Variants in SNTG2 observed in about 807,000 individuals in gnomAD.
SNTG2 encodes gamma-2-syntrophin.
SNTG2 carries 74 observed loss-of-function variants against 70.9 expected under a neutral mutation model. The ratio of observed to expected loss-of-function variants is 1.04; its 90% CI spans 0.86 to 1.27. SNTG2 has a LOEUF of 1.27. Ranked by LOEUF, SNTG2 falls within the 50% of genes most tolerant of loss-of-function variation. SNTG2 has a pLI of 0.00. For missense variants in SNTG2, 717 were observed against 690.7 expected, an observed-to-expected ratio of 1.04 and a Z score of -0.43; for synonymous variants, 278 against 273.8, an observed-to-expected ratio of 1.02 and a Z score of -0.15.
intron 6 of SNTG2, among the ~76,000 whole-genome samples, chr2:1,157,342 G>A (rs1037786337): frequency 6.6e-6 from 1 of 152,080 alleles, no homozygotes; most frequent in Non-Finnish European, 1.5e-5. Context: ...ACTGCGGCTT[G>A]TGCGCTGAAT....
At chr2:1,052,271 A>G (rs1286972792) in intron 1 of SNTG2, among the ~76,000 whole-genome samples, 1 of 152,190 alleles carries the variant, frequency 6.6e-6, no homozygotes, top group Admixed American at 6.5e-5. Context: ...AATAATTTTA[A>G]TACTAAGTTC....
At chr2:1,002,869 T>C (rs1379793615) in intron 1 of SNTG2, among the ~76,000 whole-genome samples, 2 of 151,360 alleles carry the variant, frequency 1.3e-5, no homozygotes, top group African/African-American at 4.8e-5. Context: ...AATGAATGAC[T>C]AGGTAAAGAA....
Position 1,247,387 on chromosome 2 carries a change from A to G in SNTG2, c.949A>G (p.Arg317Gly). Residue 317 changes from arginine to glycine, a missense_variant, in exon 12 of 17, where the codon AGA (arginine) becomes GGA (glycine). By Grantham distance (125) the Arg-to-Gly change is moderately radical. Coordinates refer to ENST00000308624, the MANE Select transcript of SNTG2 (RefSeq NM_018968.4). ...LQGADSSQTF[R>G]PKFLALKGPS... ...AGGAGCTGACTCCTCTCAAACCTTC[A>G]GACCCAAGTTCCTAGCACTGAAGGG... 6.2e-7 allele frequency: 1 copy of G among 1,614,008 alleles called. No individual in the cohort carries two copies.
intron 4 of SNTG2, among the ~76,000 whole-genome samples, chr2:1,101,241 G>C (rs1337586791): frequency 6.6e-6 from 1 of 152,028 alleles, no homozygotes; most frequent in African/African-American, 2.4e-5. Flanking sequence ...CAGCCAGCTT[G>C]CCTGTCTCCA....
chr2:1,098,830 C>T (rs574254882), intron 4 of SNTG2, among the ~76,000 whole-genome samples: 10 of 152,306 alleles, frequency 6.6e-5, no homozygotes, highest in South Asian at 6.2e-4. Context: ...ACTAGCTGAC[C>T]GCGCTCAGGT....
Position 1,367,474 on chromosome 2 carries a change from A to C in SNTG2, c.1620A>C (p.Ter540TyrextTer17), listed in dbSNP as rs1285128004. ...CCAGAAAATACATGTACAGCAGCTA[A>C]AGGTTGTTTCTGTTGAGTGCTGAAA... ...SLARKYMYSS[*>Y] Residue 540 changes from the stop codon to tyrosine, a stop_lost, in exon 17 of 17, where the codon TAA (stop) becomes TAC (tyrosine). Transcript: ENST00000308624. The C allele has an allele frequency of 2.6e-6, 4 of 1,548,930 alleles. No individual in the cohort carries two copies. Among genetic ancestry groups the C allele is most frequent in the East Asian group, 2.4e-5 (1 of 40,904 alleles).
intron 15 of SNTG2, 149 bp from the exon 16 acceptor site, chr2:1,316,116 A>T: frequency 1.7e-6 from 1 of 575,618 alleles, no homozygotes; most frequent in Non-Finnish European, 3.1e-6. Flanking sequence ...GAGAAAGTAG[A>T]GACAGACAAA....
intron 16 of SNTG2, among the ~76,000 whole-genome samples, chr2:1,358,636 A>G (rs1292714750): frequency 1.3e-5 from 2 of 151,930 alleles, no homozygotes; most frequent in Non-Finnish European, 2.9e-5. Flanking sequence ...GTGTTGTTTA[A>G]TTTCCACATT....
At position 1,209,225 on chromosome 2, in the gene SNTG2, A is replaced by G; in HGVS notation, c.714A>G (p.Lys238=). The change falls in exon 9 of 17, where the codon AAA becomes AAG. Residue 238 remains lysine, a synonymous_variant. Transcript: ENST00000308624. ...CAAGGTACAAAGCCGGAACGGAAAAATTAAGGTGTGTGACCATTGTCTGAG... is the reference window on the plus strand; with the variant it reads ...CAAGGTACAAAGCCGGAACGGAAAAGTTAAGGTGTGTGACCATTGTCTGAG... ...RISRYKAGTE[K]LRWNAFEVLA... is the part of the protein sequence containing the mutation. 6.2e-7 allele frequency: 1 copy of G among 1,613,982 alleles called. No individual in the cohort carries two copies. The highest frequency in any genetic ancestry group is 2.2e-5 in the East Asian group (1 of 44,872).
intron 7 of SNTG2, 33 bp downstream of exon 7, chr2:1,165,668 G>T: frequency 6.4e-7 from 1 of 1,552,090 alleles, no homozygotes; most frequent in Non-Finnish European, 8.8e-7. Context: ...CCAGGGTGCT[G>T]GAGAAATTCC....
intron 4 of SNTG2, among the ~76,000 whole-genome samples, chr2:1,099,675 GGGCAGT>G (rs1337381165): frequency 2.0e-4 from 30 of 152,100 alleles, no homozygotes; most frequent in African/African-American, 5.6e-4. Context: ...GGTGTGGTGA[GGGCAGT>G]TGTGGTGAGG....
At chr2:1,224,624 C>T (rs867247275) in intron 9 of SNTG2, among the ~76,000 whole-genome samples, 26 of 152,226 alleles carry the variant, frequency 1.7e-4, no homozygotes, top group Admixed American at 3.3e-4. Context: ...GAACCCTCGG[C>T]GGCATCTGCA....
chr2:1,041,876 T>A (rs1242455019), intron 1 of SNTG2, among the ~76,000 whole-genome samples: 5 of 152,182 alleles, frequency 3.3e-5, no homozygotes, highest in African/African-American at 1.2e-4. Context: ...CAAGTCTCCT[T>A]GGAATGATGG....
chr2:1,357,665 T>C (rs1660924454), intron 16 of SNTG2, among the ~76,000 whole-genome samples: 1 of 152,158 alleles, frequency 6.6e-6, no homozygotes. Flanking sequence ...TTTGTTGGAA[T>C]GTTTTTGATT....
intron 14 of SNTG2, among the ~76,000 whole-genome samples, chr2:1,306,888 C>T (rs573074437): frequency 4.6e-4 from 70 of 152,040 alleles, no homozygotes; most frequent in African/African-American, 1.6e-3. Context: ...GAGAGCTGTG[C>T]GCTGTGTGCC....
chr2:1,336,152 C>T (rs965698554), intron 16 of SNTG2, among the ~76,000 whole-genome samples: 1 of 152,120 alleles, frequency 6.6e-6, no homozygotes, highest in Non-Finnish European at 1.5e-5. Flanking sequence ...AAGTACCAGA[C>T]ACAATAATAC....
intron 16 of SNTG2, among the ~76,000 whole-genome samples, chr2:1,365,225 T>A (rs1435893499): frequency 6.6e-6 from 1 of 152,202 alleles, no homozygotes; most frequent in East Asian, 1.9e-4. Context: ...TGGGTTCCAC[T>A]CATGACCAGA....
intron 8 of SNTG2, among the ~76,000 whole-genome samples, chr2:1,180,390 A>G (rs1284048121): frequency 7.6e-6 from 1 of 132,398 alleles, no homozygotes; most frequent in Non-Finnish European, 1.6e-5. Context: ...AAACAACCCC[A>G]TCAAAAAGTG....
chr2:1,077,318 G>A (rs918600224), intron 1 of SNTG2, among the ~76,000 whole-genome samples: 1 of 152,160 alleles, frequency 6.6e-6, no homozygotes, highest in African/African-American at 2.4e-5. Flanking sequence ...ATGTCCGCAC[G>A]TCTTTGCTGG....
Sources: allele counts gnomAD v4.1 joint callset (sites outside exome capture counted in the v4.1 genomes callset), GRCh38; gene constraint gnomAD v4.1.1; transcripts MANE v1.5; gene names NCBI Gene and HGNC (gene_info 2026-07-23, HGNC 2026-07-21).